Variants in PLXNA1 observed in about 807,000 individuals in gnomAD.
PLXNA1 encodes the protein plexin-A1.
PLXNA1 carries 77 observed loss-of-function variants against 191.7 expected under a neutral mutation model. The ratio of observed to expected loss-of-function variants is 0.40; its 90% CI spans 0.33 to 0.49. The LOEUF (loss-of-function observed/expected upper bound fraction) is 0.49, where lower values mean the gene tolerates loss of function less well. PLXNA1 is among the 20% of genes least tolerant of loss of function. The probability of loss-of-function intolerance (pLI) is 0.63; values close to 1 mark genes in which losing one functional copy is unlikely to be tolerated. For missense variants in PLXNA1, 2,110 were observed against 2,660.2 expected, an observed-to-expected ratio of 0.79 and a Z score of 4.55; for synonymous variants, 1,137 against 1,156.4, an observed-to-expected ratio of 0.98 and a Z score of 0.34.
At chr3:127,015,605 G>A (rs571221740) in intron 15 of PLXNA1, among the ~76,000 whole-genome samples, 1 of 152,218 alleles carries the variant, frequency 6.6e-6, no homozygotes, top group Non-Finnish European at 1.5e-5. Context: ...TACAAAATAA[G>A]AAGTATTTTT....
intron 1 of PLXNA1, among the ~76,000 whole-genome samples, chr3:126,983,647 A>G (rs1042915711): frequency 1.3e-5 from 2 of 149,616 alleles, no homozygotes; most frequent in Admixed American, 6.6e-5. Flanking sequence ...GCCCCGCGGC[A>G]GCTCCGGGGT....
chr3:127,024,792 GC>G (rs2079169166), intron 23 of PLXNA1, among the ~76,000 whole-genome samples: 1 of 152,140 alleles, frequency 6.6e-6, no homozygotes, highest in Non-Finnish European at 1.5e-5. Flanking sequence ...GGAGCTGGGC[GC>G]CCCCTGGATG....
rs1014775087 is a variant in PLXNA1 at position 127,016,855 on chromosome 3, G to A, written c.3183-89G>A. The A allele has an allele frequency of 6.6e-5, 93 of 1,403,624 alleles. 1 individual carries two copies. Among genetic ancestry groups the A allele is most frequent in the Non-Finnish European group, 3.3e-5 (33 of 1,011,374 alleles). The allele number at this position is 1,403,624 out of a possible 1,614,324, so 86.9% of individuals were successfully genotyped here. A position where few individuals can be genotyped will look rare whatever the true frequency, so the allele number is the denominator to read the frequency against. ...CTGTTTCCTGTCTTTGGGGAAGGCA[G>A]GCTTTGCCTGGCTGAGCTGTGGCCC... is the stretch of plus-strand genomic sequence containing the variant. On this transcript the variant is annotated intron_variant, in intron 16 of 31. Transcript: ENST00000393409.
At chr3:127,004,169 C>T (rs370285129) in intron 4 of PLXNA1, among the ~76,000 whole-genome samples, 7 of 152,234 alleles carry the variant, frequency 4.6e-5, no homozygotes, top group Admixed American at 2.0e-4. Flanking sequence ...GACGTGCCTC[C>T]GTGGGCACTG....
chr3:126,995,693 G>C (rs1276740412), intron 3 of PLXNA1, among the ~76,000 whole-genome samples: 1 of 152,236 alleles, frequency 6.6e-6, no homozygotes, highest in Non-Finnish European at 1.5e-5. Flanking sequence ...AGTATAACAG[G>C]ACCAACTCAA....
In PLXNA1 at chr3:127,018,431, C is replaced by A; in HGVS notation, c.3798C>A (p.Ala1266=). 1 of 1,613,064 alleles carries A rather than the reference C, an allele frequency of 6.2e-7. No individual in the cohort carries two copies. The highest frequency in any genetic ancestry group is 8.5e-7 in the Non-Finnish European group (1 of 1,180,008). The change falls in exon 20 of 32, where the codon GCC becomes GCA. Residue 1266 remains alanine, a synonymous_variant. Coordinates refer to ENST00000393409, the MANE Select transcript of PLXNA1 (RefSeq NM_032242.4). The part of the protein sequence containing the change: ...LLLVIVAVLI[A]YKRKSRDADR... ...TGGTCATCGTGGCTGTGCTCATCGC[C>A]TACAAGCGCAAGTCACGAGATGCTG...
At chr3:127,013,852 G>T (rs1299755886) in intron 10 of PLXNA1, among the ~76,000 whole-genome samples, 168 bp from the exon 11 acceptor site, 1 of 152,208 alleles carries the variant, frequency 6.6e-6, no homozygotes, top group East Asian at 1.9e-4. Context: ...GAGAGAGGGG[G>T]CTCTGGAGCC....
intron 21 of PLXNA1, 98 bp downstream of exon 21, chr3:127,020,442 C>A: frequency 6.9e-7 from 1 of 1,455,532 alleles, no homozygotes. Context: ...TATGGGGCAG[C>A]CTGTGTGGCC....
chr3:126,984,058 C>T (rs1362098825), intron 1 of PLXNA1, among the ~76,000 whole-genome samples: 1 of 152,196 alleles, frequency 6.6e-6, no homozygotes, highest in African/African-American at 2.4e-5. Context: ...CCGGAGGCTT[C>T]CGATTGCTTC....
chr3:126,997,645 G>C (rs2079020437), intron 3 of PLXNA1, among the ~76,000 whole-genome samples: 1 of 152,228 alleles, frequency 6.6e-6, no homozygotes, highest in African/African-American at 2.4e-5. Flanking sequence ...CGCCTCTCCT[G>C]GATGTAGTTG....
chr3:126,985,748 G>A (rs961954727), intron 1 of PLXNA1, among the ~76,000 whole-genome samples: 19 of 152,268 alleles, frequency 1.2e-4, no homozygotes, highest in African/African-American at 4.3e-4. Flanking sequence ...TGGCTGGCTG[G>A]TCCAGTCTCT....
At chr3:127,001,656 C>T (rs1038621442) in intron 3 of PLXNA1, among the ~76,000 whole-genome samples, 1 of 152,266 alleles carries the variant, frequency 6.6e-6, no homozygotes, top group African/African-American at 2.4e-5. Context: ...CTGCCCTCCT[C>T]GCCTTCCTTC....
Position 127,027,956 on chromosome 3 carries a change from C to T in PLXNA1, c.4379C>T (p.Pro1460Leu). ...CCCCCGCAGGAGTGCGCTGGGGAGC[C>T]GCTGTTCATGCTGTACTGCGCCATC... is the stretch of plus-strand genomic sequence containing the variant. ...YKFLKECAGE[P>L]LFMLYCAIKQ... The change falls in exon 24 of 32, where the codon CCG (proline) becomes CTG (leucine). Residue 1460 changes from proline (P) to leucine (L), a missense_variant. This residue lies in a region of PLXNA1 where 559 missense variants were observed against 911.5 expected (regional missense o/e 0.61). Transcript: ENST00000393409. The T allele has an allele frequency of 6.2e-7, 1 of 1,613,602 alleles. No homozygotes were observed. Among genetic ancestry groups the T allele is most frequent in the Non-Finnish European group, 8.5e-7 (1 of 1,179,978 alleles).
At chr3:126,999,951 A>T (rs1364411060) in intron 3 of PLXNA1, among the ~76,000 whole-genome samples, 11 of 151,692 alleles carry the variant, frequency 7.3e-5, no homozygotes, top group Non-Finnish European at 1.5e-5. Context: ...TAGGACAGGT[A>T]CCCCAGGGTT....
chr3:126,983,633 C>T (rs1359841625), intron 1 of PLXNA1, among the ~76,000 whole-genome samples: 5 of 148,658 alleles, frequency 3.4e-5, no homozygotes, highest in African/African-American at 9.8e-5. Flanking sequence ...GCCGGGCCCG[C>T]CGAGCCCCGC....
At chr3:127,009,918 T>C (rs2079087643) in intron 9 of PLXNA1, among the ~76,000 whole-genome samples, 1 of 152,184 alleles carries the variant, frequency 6.6e-6, no homozygotes, top group Non-Finnish European at 1.5e-5. Context: ...GTCGGGACTT[T>C]CTCTTAGAAA....
At position 127,027,221 on chromosome 3, in the gene PLXNA1, C is replaced by T. The variant is rs914876829; in HGVS notation, c.4363-719C>T. The T allele has an allele frequency of 7.1e-5, 15 of 211,956 alleles. 1 individual carries two copies. In the South Asian group the frequency reaches 1.2e-3, roughly 17 times the overall value. 13.1% of individuals were successfully genotyped at this position (211,956 alleles called of 1,614,324 possible). On this transcript the variant is annotated intron_variant, in intron 23 of 31. Transcript: ENST00000393409. The stretch of plus-strand genomic sequence containing the variant: ...TGTAGAGGCAGCAGTTGCAAAGGCC[C>T]TGAGGTGGGACAGGAGGCGGTTCTC...
At chr3:127,014,965 C>T in intron 14 of PLXNA1, 134 bp downstream of exon 14, 1 of 1,430,772 alleles carries the variant, frequency 7.0e-7, no homozygotes, top group Non-Finnish European at 9.3e-7. Flanking sequence ...GGGTGCTGCC[C>T]CTCCCCTCCT....
intron 1 of PLXNA1, among the ~76,000 whole-genome samples, chr3:126,983,952 C>T (rs1201384533): frequency 2.0e-5 from 3 of 152,144 alleles, no homozygotes; most frequent in Admixed American, 6.5e-5. Context: ...GCCCGGAGTG[C>T]GGGGAGGTGG....
Sources: allele counts gnomAD v4.1 joint callset (sites outside exome capture counted in the v4.1 genomes callset), GRCh38; gene constraint gnomAD v4.1.1; regional missense constraint gnomAD v4.1.1; transcripts MANE v1.5; gene names NCBI Gene and HGNC (gene_info 2026-07-23, HGNC 2026-07-21).